Variants in SLC26A7 observed in about 807,000 individuals in gnomAD.
The protein encoded by SLC26A7 is solute carrier family 26 member 7.
Under a neutral mutation model 82.5 loss-of-function variants are expected in SLC26A7, and 59 were observed. The ratio of observed to expected loss-of-function variants is 0.72; its 90% CI spans 0.58 to 0.89. The LOEUF (loss-of-function observed/expected upper bound fraction) is 0.89. Ranked by LOEUF, SLC26A7 falls within the 40% of genes least tolerant of loss-of-function variation. SLC26A7 has a pLI of 0.00. For missense variants in SLC26A7, 820 were observed against 793.0 expected (o/e 1.03, Z -0.41); for synonymous variants, 271 against 274.3 (o/e 0.99, Z 0.12).
At chr8:91,375,791 A>G (rs1473829230) in intron 15 of SLC26A7, among the ~76,000 whole-genome samples, 1 of 151,994 alleles carries the variant, frequency 6.6e-6, no homozygotes, top group Admixed American at 6.6e-5. Context: ...CATGCAAGAT[A>G]AAAGACATTT....
chr8:91,291,883 T>C (rs1172443976), intron 3 of SLC26A7, among the ~76,000 whole-genome samples: 2 of 152,236 alleles, frequency 1.3e-5, no homozygotes, highest in Non-Finnish European at 2.9e-5. Flanking sequence ...TTCTGTTAAG[T>C]CGAATGAGCT....
At chr8:91,222,431 T>A (rs536231271) in intron 2 of SLC26A7, among the ~76,000 whole-genome samples, 1 of 152,296 alleles carries the variant, frequency 6.6e-6, no homozygotes, top group South Asian at 2.1e-4. Flanking sequence ...AGAGAAGGCA[T>A]CCTTGTCTTG....
At chr8:91,366,753 A>C in intron 14 of SLC26A7, 36 bp downstream of exon 14, 1 of 1,589,030 alleles carries the variant, frequency 6.3e-7, no homozygotes, top group Non-Finnish European at 8.5e-7. Flanking sequence ...GTCATACTAC[A>C]TGTAGCCTTA....
At chr8:91,386,534 A>C (rs1046689022) in intron 15 of SLC26A7, among the ~76,000 whole-genome samples, 1 of 152,212 alleles carries the variant, frequency 6.6e-6, no homozygotes, top group African/African-American at 2.4e-5. Flanking sequence ...ATGTATTGTC[A>C]AATATGTCAG....
chr8:91,327,922 A>C (rs1812977257), intron 5 of SLC26A7, among the ~76,000 whole-genome samples: 1 of 152,130 alleles, frequency 6.6e-6, no homozygotes, highest in South Asian at 2.1e-4. Context: ...ATTCATCATT[A>C]CTAGTGAAGA....
intron 2 of SLC26A7, among the ~76,000 whole-genome samples, chr8:91,257,701 G>A (rs550327340): frequency 1.3e-5 from 2 of 151,740 alleles, no homozygotes; most frequent in South Asian, 4.2e-4. Flanking sequence ...TGTTTTTCAT[G>A]AGCTAATCCA....
intron 2 of SLC26A7, among the ~76,000 whole-genome samples, chr8:91,276,933 A>G (rs1412833191): frequency 1.3e-5 from 2 of 152,198 alleles, no homozygotes; most frequent in Non-Finnish European, 2.9e-5. Context: ...GGTAAGAAGA[A>G]ACAAAGAAAT....
chr8:91,232,490 C>G (rs1334932131), intron 2 of SLC26A7, among the ~76,000 whole-genome samples: 1 of 152,208 alleles, frequency 6.6e-6, no homozygotes, highest in Non-Finnish European at 1.5e-5. Context: ...TAAGTATATT[C>G]CCTTTTATAT....
rs140084441 is a variant in SLC26A7 at position 91,258,485 on chromosome 8, A to G, written c.193+8641A>G. Reference sequence around the variant, plus strand: ...CCTCAACAACTATATTCAATTAACCAAGTTCTGTAAATTCTTCCCTCTTAA... The same window carrying G: ...CCTCAACAACTATATTCAATTAACCGAGTTCTGTAAATTCTTCCCTCTTAA... On this transcript the variant is annotated intron_variant, in intron 2 of 18. Transcript: ENST00000276609. Among the ~76,000 whole-genome samples, 89 of 152,088 alleles carry G rather than the reference A, an allele frequency of 5.9e-4. 1 individual carries two copies. The East Asian group carries it at 0.016, about 28-fold the overall frequency.
chr8:91,232,992 G>GA (rs768891087), intron 2 of SLC26A7, among the ~76,000 whole-genome samples: 19 of 152,342 alleles, frequency 1.2e-4, no homozygotes, highest in Non-Finnish European at 1.5e-4. Flanking sequence ...TTCATCAGGA[G>GA]AATTGAATTA....
At chr8:91,394,723 C>T (rs2130911640) in intron 18 of SLC26A7, 4 of 1,085,776 alleles carry the variant, frequency 3.7e-6, no homozygotes, top group Non-Finnish European at 4.6e-6. Flanking sequence ...TATTGAGTGC[C>T]CTCATTATAT....
At position 91,393,935 on chromosome 8, in the gene SLC26A7, G is replaced by A; in HGVS notation, c.1832-1G>A. The A allele has an allele frequency of 2.5e-6, 4 of 1,613,406 alleles. No individual in the cohort carries two copies. Among genetic ancestry groups the A allele is most frequent in the Non-Finnish European group, 2.5e-6 (3 of 1,179,556 alleles). On this transcript the variant is annotated splice_acceptor_variant, in intron 17 of 18. Coordinates refer to ENST00000276609, the MANE Select transcript of SLC26A7 (RefSeq NM_052832.4). LOFTEE classifies it high-confidence loss of function. Reference sequence around the variant, plus strand: ...CTTATATCACTTGTGCTTTCTTGAAGCTTCCTTGATAAAAGCAATGACGTA... The same window carrying A: ...CTTATATCACTTGTGCTTTCTTGAAACTTCCTTGATAAAAGCAATGACGTA...
chr8:91,333,326 C>T (rs970721604), intron 5 of SLC26A7, among the ~76,000 whole-genome samples: 1 of 152,258 alleles, frequency 6.6e-6, no homozygotes, highest in African/African-American at 2.4e-5. Flanking sequence ...ATGTATTATA[C>T]TTTCTTCCTA....
chr8:91,214,562 C>G (rs1268137391), intron 1 of SLC26A7, among the ~76,000 whole-genome samples: 1 of 152,064 alleles, frequency 6.6e-6, no homozygotes, highest in Non-Finnish European at 1.5e-5. Flanking sequence ...CTAATCTTGT[C>G]TCTACCTTGA....
At chr8:91,349,584 A>G (rs1456247592) in intron 9 of SLC26A7, among the ~76,000 whole-genome samples, 4 of 152,300 alleles carry the variant, frequency 2.6e-5, no homozygotes, top group East Asian at 1.9e-4. Flanking sequence ...TTGGATCCCA[A>G]TTCAGTACAT....
chr8:91,315,024 G>A (rs778487788), intron 4 of SLC26A7, among the ~76,000 whole-genome samples: 2 of 152,130 alleles, frequency 1.3e-5, no homozygotes, highest in Non-Finnish European at 2.9e-5. Context: ...GACACTTAAG[G>A]TTAGGTAACC....
At chr8:91,252,527 C>T (rs533366950) in intron 2 of SLC26A7, among the ~76,000 whole-genome samples, 1 of 151,994 alleles carries the variant, frequency 6.6e-6, no homozygotes, top group South Asian at 2.1e-4. Context: ...ACCTGTCTGT[C>T]CTTCTCTTCT....
At chr8:91,265,174 C>T (rs1389214985) in intron 2 of SLC26A7, among the ~76,000 whole-genome samples, 2 of 152,028 alleles carry the variant, frequency 1.3e-5, no homozygotes, top group Admixed American at 6.6e-5. Flanking sequence ...TTTTACTTAA[C>T]GTAATGTCCT....
At chr8:91,214,307 G>A (rs1809997340) in intron 1 of SLC26A7, among the ~76,000 whole-genome samples, 1 of 152,168 alleles carries the variant, frequency 6.6e-6, no homozygotes, top group Admixed American at 6.6e-5. Context: ...GACATGTTGA[G>A]TTTCAAGTGA....
Sources: gnomAD v4.1 joint callset for allele counts (sites outside exome capture counted in the v4.1 genomes callset) on GRCh38, gnomAD v4.1.1 for gene constraint, MANE v1.5 for transcripts, NCBI Gene and HGNC (gene_info 2026-07-23, HGNC 2026-07-21) for gene names.